Variants in CELF2 observed in about 807,000 individuals in gnomAD.
The protein encoded by CELF2 is CUGBP Elav-like family member 2.
A neutral mutation model predicts 62.6 loss-of-function variants in CELF2; 8 were observed. The ratio of observed to expected loss-of-function variants is 0.13; its 90% CI spans 0.07 to 0.23. The LOEUF (loss-of-function observed/expected upper bound fraction) is 0.23. Ranked by LOEUF, CELF2 falls within the 10% of genes least tolerant of loss-of-function variation. CELF2 has a pLI of 1.00. For synonymous variants in CELF2, 258 were observed against 250.0 expected (o/e 1.03, Z -0.30); for missense variants, 333 against 671.0 (o/e 0.50, Z 5.56).
chr10:10,511,519 A>G, the CELF2 span, among the ~76,000 whole-genome samples: 1 of 152,146 alleles, frequency 6.6e-6, no homozygotes. Context: ...TGGTGAATAA[A>G]GTGTAAAGGA....
At chr10:11,020,469 G>A (rs757266380) in intron 1 of CELF2, among the ~76,000 whole-genome samples, 1 of 152,054 alleles carries the variant, frequency 6.6e-6, no homozygotes, top group Admixed American at 6.6e-5. Context: ...CCTGAAATCC[G>A]CCTAAGTTGT....
intron 1 of CELF2, among the ~76,000 whole-genome samples, chr10:10,811,654 G>A (rs1010826778): frequency 6.6e-6 from 1 of 152,174 alleles, no homozygotes; most frequent in Non-Finnish European, 1.5e-5. Context: ...GGAGGGCAGG[G>A]GCCTGTGTCA....
intron 1 of CELF2, among the ~76,000 whole-genome samples, chr10:11,126,664 C>T (rs554677039): frequency 2.0e-5 from 3 of 152,146 alleles, no homozygotes; most frequent in Non-Finnish European, 2.9e-5. Context: ...ACAATGTATT[C>T]GAGAATATAG....
intron 1 of CELF2, among the ~76,000 whole-genome samples, chr10:11,128,114 C>T (rs1450470986): frequency 6.6e-6 from 1 of 152,172 alleles, no homozygotes; most frequent in Non-Finnish European, 1.5e-5. Flanking sequence ...GCCAGTTTTC[C>T]CAGCACCATT....
At chr10:11,251,512 C>T (rs1409335267) in intron 4 of CELF2, among the ~76,000 whole-genome samples, 3 of 151,894 alleles carry the variant, frequency 2.0e-5, no homozygotes, top group South Asian at 4.2e-4. Flanking sequence ...GAGGACCGGG[C>T]ACCGTTATTT....
chr10:11,270,801 G>T lies in CELF2; in HGVS notation c.754G>T (p.Gly252Ter). Residue 252 changes from glycine (G) to a stop codon, truncating the protein, a stop_gained, in exon 7 of 13, where the codon GGA (glycine) becomes TGA (stop). Coordinates refer to ENST00000633077, the MANE Select transcript of CELF2 (RefSeq NM_001326342.2). LOFTEE classifies it high-confidence loss of function. This position sits in a 1 kb window ranked among gnomAD's most constrained non-coding sequence, Gnocchi z 5.8. ...CTGGGGGAACCTGACAGGGCTGGGCGGACTGACCCCACAGTATCTGGCGGT... is the reference window on the plus strand; with the variant it reads ...CTGGGGGAACCTGACAGGGCTGGGCTGACTGACCCCACAGTATCTGGCGGT... ...ATWGNLTGLG[G>*]LTPQYLALLQ... 1 of 1,485,746 alleles carries T rather than the reference G, an allele frequency of 6.7e-7. No homozygotes were observed. The highest frequency in any genetic ancestry group is 1.4e-5 in the South Asian group (1 of 72,850). 92.0% of individuals were successfully genotyped at this position (1,485,746 alleles called of 1,614,324 possible). A position where few individuals can be genotyped will look rare whatever the true frequency, so the allele number is the denominator to read the frequency against.
intron 2 of CELF2, among the ~76,000 whole-genome samples, chr10:10,989,360 A>G (rs2053177782): frequency 6.6e-6 from 1 of 152,192 alleles, no homozygotes; most frequent in South Asian, 2.1e-4. Flanking sequence ...TTTTCATCAA[A>G]GCAACATGGT....
the CELF2 span, among the ~76,000 whole-genome samples, chr10:10,763,260 T>C: frequency 6.6e-6 from 1 of 152,216 alleles, no homozygotes; most frequent in Non-Finnish European, 1.5e-5. Flanking sequence ...AGAGGTCATT[T>C]GAGCAGTTCC....
intron 1 of CELF2, among the ~76,000 whole-genome samples, chr10:11,164,207 C>T (rs1371191428): frequency 6.6e-6 from 1 of 152,176 alleles, no homozygotes; most frequent in South Asian, 2.1e-4. Flanking sequence ...TGCCGAGAGG[C>T]ATTCAGCCTT....
chr10:10,571,237 C>T, the CELF2 span, among the ~76,000 whole-genome samples: 1 of 152,102 alleles, frequency 6.6e-6, no homozygotes, highest in Non-Finnish European at 1.5e-5. Context: ...CAGTTGAAGA[C>T]ATTAGAGCAT....
the CELF2 span, among the ~76,000 whole-genome samples, chr10:10,767,224 C>T: frequency 6.9e-6 from 1 of 145,818 alleles, no homozygotes; most frequent in South Asian, 2.2e-4. Flanking sequence ...ACCACCACTG[C>T]CACCACCACC....
At chr10:10,470,758 G>T in the CELF2 span, among the ~76,000 whole-genome samples, 3 of 150,658 alleles carry the variant, frequency 2.0e-5, no homozygotes, top group Non-Finnish European at 4.4e-5. Flanking sequence ...CAAAGTCCAT[G>T]CCACTAATCA....
At chr10:11,303,800 A>ATC (rs1479265617) in intron 9 of CELF2, among the ~76,000 whole-genome samples, 1 of 152,218 alleles carries the variant, frequency 6.6e-6, no homozygotes, top group Non-Finnish European at 1.5e-5. Context: ...TGACTTCCAC[A>ATC]TCAACATAAT....
the CELF2 span, chr10:10,786,748 G>A: frequency 8.5e-5 from 13 of 152,266 alleles, no homozygotes; most frequent in East Asian, 2.1e-3. Flanking sequence ...ACAGGAATAA[G>A]AAGTGTTCTA....
At chr10:10,660,974 CA>C in the CELF2 span, among the ~76,000 whole-genome samples, 2 of 152,134 alleles carry the variant, frequency 1.3e-5, no homozygotes, top group African/African-American at 4.8e-5. Flanking sequence ...AGTCCCTGTT[CA>C]ACACAAGTGT....
rs1435564646 is a variant in CELF2 at position 11,165,973 on chromosome 10, C to T, written c.271+291C>T. 6.6e-6 allele frequency among the ~76,000 whole-genome samples: 1 copy of T among 152,244 alleles called. No homozygotes were observed. The highest frequency in any genetic ancestry group is 2.4e-5 in the African/African-American group (1 of 41,474). On this transcript the variant is annotated intron_variant, in intron 2 of 12. Coordinates refer to ENST00000633077, the MANE Select transcript of CELF2 (RefSeq NM_001326342.2). This position sits in a 1 kb window ranked among gnomAD's most constrained non-coding sequence, Gnocchi z 7.4. ...CCCGGGAGGTCACTTTCTAGGCAGC[C>T]CAGCCTGTGCTTGGGCGGGGTGGTT...
chr10:11,051,560 T>G (rs1488347944), intron 1 of CELF2, among the ~76,000 whole-genome samples: 1 of 152,228 alleles, frequency 6.6e-6, no homozygotes, highest in Non-Finnish European at 1.5e-5. Context: ...TTACAGTATG[T>G]TGAACACCTA....
At position 10,810,401 on chromosome 10, in the gene CELF2, G is replaced by T. The variant is rs565280904; in HGVS notation, c.53+11584G>T. 2.1e-3 allele frequency among the ~76,000 whole-genome samples: 323 copies of T among 152,234 alleles called. 1 individual carries two copies. The highest frequency in any genetic ancestry group is 3.2e-3 in the Admixed American group (49 of 15,294). On this transcript the variant is annotated intron_variant, in intron 1 of 13. Coordinates refer to the CELF2 transcript ENST00000636488. ...TTTTTACCTTGATAGATCATCTCAT[G>T]GGGGAGGTGAACTAAATATCTGTTT...
At chr10:10,518,489 A>C in the CELF2 span, among the ~76,000 whole-genome samples, 1 of 152,136 alleles carries the variant, frequency 6.6e-6, no homozygotes, top group African/African-American at 2.4e-5. Flanking sequence ...CCTCATGGAG[A>C]GTGAAATGGG....
Sources: allele counts gnomAD v4.1 joint callset (sites outside exome capture counted in the v4.1 genomes callset), GRCh38; gene constraint gnomAD v4.1.1; non-coding constraint Gnocchi (gnomAD v3.1); transcripts MANE v1.5; gene names NCBI Gene and HGNC (gene_info 2026-07-23, HGNC 2026-07-21).